The following SHOC2 variants were observed in gnomAD, a reference collection of about 807,000 sequenced individuals.
The protein encoded by SHOC2 is leucine-rich repeat protein SHOC-2.
SHOC2 carries 4 observed loss-of-function variants against 50.2 expected under a neutral mutation model. That is an observed-to-expected ratio of 0.08 (90% CI 0.04 to 0.18). The LOEUF (loss-of-function observed/expected upper bound fraction) is 0.18. Among genes scored for constraint, SHOC2 ranks in the 10% least tolerant of loss-of-function variants. The pLI is 1.00. For missense variants in SHOC2, 388 were observed against 669.6 expected (o/e 0.58, Z 4.64); for synonymous variants, 218 against 244.5 (o/e 0.89, Z 1.01).
At chr10:110,981,376 C>T (rs1314254840) in intron 2 of SHOC2, among the ~76,000 whole-genome samples, 1 of 152,140 alleles carries the variant, frequency 6.6e-6, no homozygotes, top group Non-Finnish European at 1.5e-5. Flanking sequence ...GTGTTCCTAC[C>T]AAGCTCCCAG....
At chr10:110,940,375 C>G (rs1847111532) in intron 1 of SHOC2, among the ~76,000 whole-genome samples, 1 of 152,040 alleles carries the variant, frequency 6.6e-6, no homozygotes, top group African/African-American at 2.4e-5. Context: ...CTTTATATTT[C>G]TCTTAGAAAA....
At chr10:110,939,555 T>G (rs1847096054) in intron 1 of SHOC2, among the ~76,000 whole-genome samples, 1 of 152,194 alleles carries the variant, frequency 6.6e-6, no homozygotes, top group Non-Finnish European at 1.5e-5. Context: ...AACATGAGAA[T>G]TGAGGTAAGA....
intron 3 of SHOC2, among the ~76,000 whole-genome samples, chr10:110,999,485 C>G (rs1415488568): frequency 6.6e-6 from 1 of 151,940 alleles, no homozygotes; most frequent in Non-Finnish European, 1.5e-5. Context: ...CGTCTGTAAT[C>G]CCAGCACTTT....
intron 1 of SHOC2, among the ~76,000 whole-genome samples, chr10:110,961,434 T>G (rs913128076): frequency 6.6e-6 from 1 of 152,222 alleles, no homozygotes; most frequent in Non-Finnish European, 1.5e-5. Flanking sequence ...TCAGATAATT[T>G]GTTAGTTCTC....
intron 3 of SHOC2, among the ~76,000 whole-genome samples, chr10:110,996,682 C>G (rs1452696892): frequency 6.6e-6 from 1 of 152,096 alleles, no homozygotes; most frequent in South Asian, 2.1e-4. Context: ...TACTTATTCC[C>G]TTCTATAAAA....
At position 110,940,910 on chromosome 10, in the gene SHOC2, G is replaced by GGTTTTTTTTTTTTTTTTTT. The variant is rs1564705752; in HGVS notation, c.-235+21253_-235+21254insGTTTTTTTTTTTTTTTTTT. Among the ~76,000 whole-genome samples, 9 of 119,504 alleles carry GGTTTTTTTTTTTTTTTTTT rather than the reference G, an allele frequency of 7.5e-5. 4 individuals are homozygous for GGTTTTTTTTTTTTTTTTTT. Among genetic ancestry groups the GGTTTTTTTTTTTTTTTTTT allele is most frequent in the African/African-American group, 1.6e-4 (5 of 31,418 alleles). 78.4% of individuals were successfully genotyped at this position (119,504 alleles called of 152,430 possible). On this transcript the variant is annotated intron_variant, in intron 1 of 8. Transcript: ENST00000369452. ...GACAAAATAGTGGTATTTGTGGTGG[G>GGTTTTTTTTTTTTTTTTTT]TTTTTTTTTTTTTTTTTTTTTTTTT...
chr10:110,983,475 C>T (rs373898637), intron 2 of SHOC2, among the ~76,000 whole-genome samples: 1 of 152,114 alleles, frequency 6.6e-6, no homozygotes, highest in Admixed American at 6.6e-5. Flanking sequence ...CCTCTTAGCA[C>T]TAGCTTAGCT....
Position 111,007,634 on chromosome 10 carries a change from C to A in SHOC2, c.1265C>A (p.Ser422Tyr), listed in dbSNP as rs1848494863. 6.2e-7 allele frequency: 1 copy of A among 1,613,514 alleles called. No individual in the cohort carries two copies. The highest frequency in any genetic ancestry group is 1.3e-5 in the African/African-American group (1 of 74,890). Reference sequence around the variant, plus strand: ...CTCACAAAGATCCCTGAGGATGTGTCTGGTCTCGTTTCTCTTGAGGTTAGT... The same window carrying A: ...CTCACAAAGATCCCTGAGGATGTGTATGGTCTCGTTTCTCTTGAGGTTAGT... ...NQLTKIPEDV[S>Y]GLVSLEVLIL... Residue 422 changes from serine (S) to tyrosine (Y), a missense_variant, in exon 6 of 9, where the codon TCT (serine) becomes TAT (tyrosine). Ser to Tyr is a moderately radical substitution (Grantham distance 144). Around this residue, in one of 5 missense-constraint regions of SHOC2, gnomAD observed 130 missense variants for 208.6 expected, o/e 0.62. Coordinates refer to ENST00000369452, the MANE Select transcript of SHOC2 (RefSeq NM_007373.4).
chr10:110,982,775 T>C (rs1482514192), intron 2 of SHOC2, among the ~76,000 whole-genome samples: 1 of 152,144 alleles, frequency 6.6e-6, no homozygotes, highest in East Asian at 1.9e-4. Flanking sequence ...GACATAGAAA[T>C]CTCATGAGAG....
At chr10:110,986,802 T>A (rs1848087830) in intron 3 of SHOC2, among the ~76,000 whole-genome samples, 1 of 152,144 alleles carries the variant, frequency 6.6e-6, no homozygotes, top group Non-Finnish European at 1.5e-5. Context: ...AGAGGCATGA[T>A]TACTAAATCA....
intron 2 of SHOC2, among the ~76,000 whole-genome samples, chr10:110,978,643 G>A (rs1294337462): frequency 2.0e-5 from 3 of 152,228 alleles, no homozygotes; most frequent in African/African-American, 4.8e-5. Flanking sequence ...CCTTCTAGCT[G>A]TGGTTCTCCC....
chr10:110,920,170 C>T (rs1421834583), intron 1 of SHOC2: 1 of 152,424 alleles, frequency 6.6e-6, no homozygotes, highest in African/African-American at 2.4e-5. Flanking sequence ...TCGCCCCCTC[C>T]CTGGAGTCCA....
At chr10:110,991,480 A>G (rs941744334) in intron 3 of SHOC2, among the ~76,000 whole-genome samples, 3 of 152,334 alleles carry the variant, frequency 2.0e-5, no homozygotes, top group Non-Finnish European at 2.9e-5. Flanking sequence ...ATTTTAAATA[A>G]CATTGCATTT....
chr10:110,958,547 G>A (rs1847512196), intron 1 of SHOC2, among the ~76,000 whole-genome samples: 1 of 151,988 alleles, frequency 6.6e-6, no homozygotes, highest in Non-Finnish European at 1.5e-5. Flanking sequence ...CTTCCCCAGA[G>A]TACCAGTATC....
chr10:111,008,942 GAATA>G (rs1848518339), intron 6 of SHOC2, among the ~76,000 whole-genome samples: 2 of 152,050 alleles, frequency 1.3e-5, no homozygotes, highest in East Asian at 1.9e-4. Flanking sequence ...AAGGGATTTT[GAATA>G]AATAGTTTCC....
At chr10:110,970,210 C>T (rs752447091) in intron 2 of SHOC2, among the ~76,000 whole-genome samples, 2 of 152,172 alleles carry the variant, frequency 1.3e-5, no homozygotes, top group African/African-American at 4.8e-5. Flanking sequence ...CCCCAACCCC[C>T]GCCACCCTTC....
At chr10:111,008,370 A>G (rs1453507122) in intron 6 of SHOC2, among the ~76,000 whole-genome samples, 1 of 151,662 alleles carries the variant, frequency 6.6e-6, no homozygotes, top group Non-Finnish European at 1.5e-5. Flanking sequence ...AAATTATTTA[A>G]TAAGGTGAAA....
intron 2 of SHOC2, among the ~76,000 whole-genome samples, chr10:110,972,156 T>G (rs1362534561): frequency 2.0e-5 from 3 of 150,802 alleles, no homozygotes; most frequent in African/African-American, 7.3e-5. Flanking sequence ...TACTATAACT[T>G]TATAATATAT....
At chr10:110,956,127 A>G (rs912486479) in intron 1 of SHOC2, among the ~76,000 whole-genome samples, 2 of 152,100 alleles carry the variant, frequency 1.3e-5, no homozygotes, top group African/African-American at 4.8e-5. Flanking sequence ...TTCCTCTGGT[A>G]TCTGCATGTG....
Sources: allele counts gnomAD v4.1 joint callset (sites outside exome capture counted in the v4.1 genomes callset), GRCh38; gene constraint gnomAD v4.1.1; regional missense constraint gnomAD v4.1.1; transcripts MANE v1.5; gene names NCBI Gene and HGNC (gene_info 2026-07-23, HGNC 2026-07-21).